SKAP1: variants seen among roughly 807,000 people sequenced by gnomAD.
SKAP1 encodes src kinase-associated phosphoprotein 1.
A neutral mutation model predicts 58.5 loss-of-function variants in SKAP1; 44 were observed. The observed-to-expected ratio is 0.75, with a 90% CI of 0.59 to 0.97. SKAP1 has a LOEUF of 0.97. Ranked by LOEUF, SKAP1 falls within the 50% of genes least tolerant of loss-of-function variation. The pLI is 0.00. For missense variants in SKAP1, 390 were observed against 435.2 expected, an observed-to-expected ratio of 0.90 and a Z score of 0.92; for synonymous variants, 127 against 149.7, an observed-to-expected ratio of 0.85 and a Z score of 1.11.
chr17:48,440,271 G>C, the SKAP1 span, among the ~76,000 whole-genome samples: 1 of 152,150 alleles, frequency 6.6e-6, no homozygotes, highest in East Asian at 1.9e-4. Context: ...CCCTACATAG[G>C]CTTCATACGT....
chr17:48,291,715 T>C (rs571428607), intron 4 of SKAP1, among the ~76,000 whole-genome samples: 6 of 152,260 alleles, frequency 3.9e-5, no homozygotes, highest in Admixed American at 1.3e-4. Flanking sequence ...CTTATAGGAG[T>C]TGATGTCTTT....
intron 2 of SKAP1, among the ~76,000 whole-genome samples, chr17:48,367,536 G>GTATATATATATGGATATATATCCATA (rs2067020466): frequency 7.4e-5 from 10 of 135,602 alleles, no homozygotes; most frequent in African/African-American, 1.9e-4. Flanking sequence ...GTATGTGTGT[G>GTATATATATATGGATATATATCCATA]TATATATATA....
chr17:48,293,429 T>C (rs2065923361), intron 4 of SKAP1, among the ~76,000 whole-genome samples: 1 of 152,170 alleles, frequency 6.6e-6, no homozygotes, highest in South Asian at 2.1e-4. Flanking sequence ...TCCACAGAGA[T>C]GATAAAAGGT....
chr17:48,162,058 C>T (rs146367122), intron 11 of SKAP1, among the ~76,000 whole-genome samples: 4,226 of 152,190 alleles, frequency 0.028, 178 homozygotes, highest in African/African-American at 0.092. Context: ...CTCCGCCTCC[C>T]GGGTTCAAGC....
intron 4 of SKAP1, among the ~76,000 whole-genome samples, 193 bp downstream of exon 4, chr17:48,345,712 T>C (rs560172868): frequency 1.3e-5 from 2 of 152,332 alleles, no homozygotes; most frequent in South Asian, 4.1e-4. Flanking sequence ...GTACATTAAC[T>C]TCAGAAGTAT....
At chr17:48,296,845 A>AG (rs1238692935) in intron 4 of SKAP1, among the ~76,000 whole-genome samples, 3 of 151,980 alleles carry the variant, frequency 2.0e-5, no homozygotes, top group South Asian at 2.1e-4. Context: ...ATCTTTAATT[A>AG]GGAAAAAAAA....
chr17:48,159,594 G>A (rs986513064), intron 11 of SKAP1, among the ~76,000 whole-genome samples: 1 of 152,184 alleles, frequency 6.6e-6, no homozygotes, highest in Non-Finnish European at 1.5e-5. Flanking sequence ...AGCAAAAGAA[G>A]GCAGCTGAGG....
chr17:48,189,430 T>C lies in SKAP1; in HGVS notation c.351A>G (p.Lys117=), dbSNP rs2064506419. The change falls in exon 5 of 13, where the codon AAA becomes AAG. Residue 117 remains lysine, a synonymous_variant. Transcript: ENST00000336915. ...NVIKQGYLEK[K]SKDHSFFGSE... ...TGTGGGTCTGACCAATACCTTTGCT[T>C]TTCTTCTCCAAGTATCCTTGCTTGA... The C allele has an allele frequency of 1.9e-6, 3 of 1,612,364 alleles. No individual in the cohort carries two copies. Among genetic ancestry groups the C allele is most frequent in the South Asian group, 2.2e-5 (2 of 90,900 alleles).
intron 4 of SKAP1, among the ~76,000 whole-genome samples, chr17:48,312,777 C>T (rs1317607729): frequency 6.6e-6 from 1 of 152,172 alleles, no homozygotes; most frequent in Non-Finnish European, 1.5e-5. Flanking sequence ...CTCCTCATTG[C>T]CTCCAATCTT....
chr17:48,184,620 A>G, intron 7 of SKAP1, 103 bp downstream of exon 7: 1 of 1,439,776 alleles, frequency 6.9e-7, no homozygotes, highest in Non-Finnish European at 9.8e-7. Context: ...ATGAGCAGGT[A>G]ACAAAGAAAG....
intron 4 of SKAP1, among the ~76,000 whole-genome samples, chr17:48,206,270 A>C (rs2064808935): frequency 6.6e-6 from 1 of 152,184 alleles, no homozygotes; most frequent in African/African-American, 2.4e-5. Context: ...ATTATAAAGG[A>C]TATAACAAAG....
chr17:48,405,571 C>T (rs1266816287), intron 1 of SKAP1, among the ~76,000 whole-genome samples: 1 of 149,124 alleles, frequency 6.7e-6, no homozygotes, highest in African/African-American at 2.5e-5. Context: ...GGCGCTATCT[C>T]GGCTCACTGC....
At chr17:48,427,207 GT>G (rs1319721918) in intron 1 of SKAP1, among the ~76,000 whole-genome samples, 6 of 151,992 alleles carry the variant, frequency 3.9e-5, no homozygotes, top group Non-Finnish European at 5.9e-5. Flanking sequence ...GGCTTTTCTT[GT>G]TTTGTCTTTT....
At position 48,188,891 on chromosome 17, in the gene SKAP1, T is replaced by TGAG. The variant is rs1291998573; in HGVS notation, c.358+531_358+532insCTC. ...GGCACGCACCTGTAGTCCCAGTTACTCAGGAGGCTGAGACAGCAGAATCGC... is the reference window on the plus strand; with the variant it reads ...GGCACGCACCTGTAGTCCCAGTTACTGAGCAGGAGGCTGAGACAGCAGAATCGC... On this transcript the variant is annotated intron_variant, in intron 5 of 12. Coordinates refer to ENST00000336915, the MANE Select transcript of SKAP1 (RefSeq NM_003726.4). 2.6e-5 allele frequency among the ~76,000 whole-genome samples: 4 copies of TGAG among 152,080 alleles called. No individual in the cohort carries two copies. In the East Asian group the frequency reaches 7.7e-4, roughly 29 times the overall value.
intron 4 of SKAP1, among the ~76,000 whole-genome samples, chr17:48,238,307 T>A (rs1464017961): frequency 6.6e-6 from 1 of 152,130 alleles, no homozygotes; most frequent in Non-Finnish European, 1.5e-5. Flanking sequence ...GAATATGATT[T>A]TAAAATATTG....
intron 1 of SKAP1, among the ~76,000 whole-genome samples, chr17:48,410,881 C>T (rs2067653889): frequency 7.6e-6 from 1 of 132,210 alleles, no homozygotes; most frequent in Non-Finnish European, 1.5e-5. Context: ...GAGCCAAGAT[C>T]ACACCACTGC....
At chr17:48,363,712 G>A in intron 3 of SKAP1, 77 bp downstream of exon 3, 1 of 1,275,156 alleles carries the variant, frequency 7.8e-7, no homozygotes, top group East Asian at 2.3e-5. Flanking sequence ...GGAGAAGCTT[G>A]TAGAGAAGAG....
rs149271427 is a variant in SKAP1 at position 48,146,782 on chromosome 17, C to T, written c.979-9445G>A. On this transcript the variant is annotated intron_variant, in intron 11 of 12. Transcript: ENST00000336915. ...TAGTTGAGATTACAGGCACCCGCCA[C>T]CACGCCCAGCTAATTTTTGTATTTT... 9.6e-3 allele frequency among the ~76,000 whole-genome samples: 1,467 copies of T among 152,204 alleles called. 16 individuals carry two copies. The highest frequency in any genetic ancestry group is 0.033 in the African/African-American group (1,381 of 41,552).
chr17:48,351,480 TC>T (rs1269996268), intron 3 of SKAP1, among the ~76,000 whole-genome samples: 1 of 152,142 alleles, frequency 6.6e-6, no homozygotes, highest in Non-Finnish European at 1.5e-5. Context: ...GTATAAATAT[TC>T]CTTTTTTCCC....
Sources: gnomAD v4.1 joint callset for allele counts (sites outside exome capture counted in the v4.1 genomes callset) on GRCh38, gnomAD v4.1.1 for gene constraint, MANE v1.5 for transcripts, NCBI Gene and HGNC (gene_info 2026-07-23, HGNC 2026-07-21) for gene names.